LIG3: variants seen among roughly 807,000 people sequenced by gnomAD.
The protein encoded by LIG3 is ligase II, DNA, ATP-dependent.
A neutral mutation model predicts 110.9 loss-of-function variants in LIG3; 58 were observed. That is an observed-to-expected ratio of 0.52 (90% CI 0.42 to 0.65). The LOEUF (loss-of-function observed/expected upper bound fraction) is 0.65. Ranked by LOEUF, LIG3 falls within the 30% of genes least tolerant of loss-of-function variation. LIG3 has a pLI of 0.00. For missense variants in LIG3, 1,094 were observed against 1,273.8 expected (o/e 0.86, Z 2.15); for synonymous variants, 422 against 472.8 (o/e 0.89, Z 1.39).
At chr17:34,991,383 C>T (rs1331722304) in intron 5 of LIG3, 1 of 572,424 alleles carries the variant, frequency 1.7e-6, no homozygotes, top group African/African-American at 1.9e-5. Flanking sequence ...CCCTCTGTCT[C>T]TCCTGGGGCT....
chr17:34,995,557 C>G (rs981177921), intron 9 of LIG3, among the ~76,000 whole-genome samples: 1 of 152,142 alleles, frequency 6.6e-6, no homozygotes, highest in Admixed American at 6.5e-5. Context: ...TGTTCCTGCT[C>G]TAAGCATCCT....
In LIG3 at chr17:35,008,338, A is replaced by G. The variant is rs1051069187; in HGVS notation, c.*3832A>G. On this transcript the variant is annotated 3_prime_UTR_variant, in exon 20 of 20. Transcript: ENST00000378526. ...CTTGAGCAAGTTAGTTAGTTACAAC[A>G]ACACTGAGCATCTTGACCAAGGTCA... 1.3e-5 allele frequency: 2 copies of G among 152,248 alleles called. No homozygotes were observed. The highest frequency in any genetic ancestry group is 3.8e-4 in the East Asian group (2 of 5,196). The allele number at this position is 152,248 out of a possible 1,614,324, so 9.4% of individuals were successfully genotyped here. A position where few individuals can be genotyped will look rare whatever the true frequency, so the allele number is the denominator to read the frequency against.
intron 4 of LIG3, among the ~76,000 whole-genome samples, chr17:34,990,692 GAGCTA>G (rs1467259885): frequency 6.6e-6 from 1 of 152,172 alleles, no homozygotes; most frequent in Non-Finnish European, 1.5e-5. Context: ...TCGACCTCCT[GAGCTA>G]AAGCAACCCT....
intron 2 of LIG3, among the ~76,000 whole-genome samples, chr17:34,985,083 G>A (rs770855200): frequency 5.9e-5 from 9 of 152,128 alleles, no homozygotes; most frequent in Non-Finnish European, 8.8e-5. Flanking sequence ...TGGCATGTCT[G>A]TTTCTAAGCC....
intron 17 of LIG3, 29 bp from the exon 18 acceptor site, chr17:35,001,880 C>T: frequency 6.3e-7 from 1 of 1,592,218 alleles, no homozygotes; most frequent in African/African-American, 1.4e-5. Context: ...GGCAATGAAA[C>T]CCTCTGACAT....
rs1189954384 is a variant in LIG3 at position 35,002,735 on chromosome 17, A to G, written c.2742A>G (p.Pro914=). 3.1e-6 allele frequency: 5 copies of G among 1,612,728 alleles called. No individual in the cohort carries two copies. Among genetic ancestry groups the G allele is most frequent in the East Asian group, 2.2e-5 (1 of 44,882 alleles). ...VGEKLATKSS[P]VKVGEKRKAA... ...AGAAGCTGGCCACAAAGTCTTCTCCAGTGAAAGTAGGGGAGAAGCGGAAAG... is the reference window on the plus strand; with the variant it reads ...AGAAGCTGGCCACAAAGTCTTCTCCGGTGAAAGTAGGGGAGAAGCGGAAAG... Residue 914 remains proline (P), a synonymous_variant, in exon 19 of 20, where the codon CCA becomes CCG. Transcript: ENST00000378526.
In LIG3 at chr17:34,997,368, G is replaced by A. The variant is rs3136004; in HGVS notation, c.1824-370G>A. 3.1e-3 allele frequency: 602 copies of A among 194,520 alleles called. 2 individuals are homozygous for A. The highest frequency in any genetic ancestry group is 0.012 in the African/African-American group (546 of 43,918). 12.0% of individuals were successfully genotyped at this position (194,520 alleles called of 1,614,324 possible). A position where few individuals can be genotyped will look rare whatever the true frequency, so the allele number is the denominator to read the frequency against. ...GGCCTGTCTCAGCCTGCCTACCCCG[G>A]GGTTGGCCTTGGGATCGGGGCAAAG... On this transcript the variant is annotated intron_variant, in intron 11 of 19. Coordinates refer to ENST00000378526, the MANE Select transcript of LIG3 (RefSeq NM_013975.4).
chr17:34,998,633 G>A lies in LIG3; in HGVS notation c.2019G>A (p.Trp673Ter). 1 of 1,614,190 alleles carries A rather than the reference G, an allele frequency of 6.2e-7. No individual in the cohort carries two copies. The highest frequency in any genetic ancestry group is 8.5e-7 in the Non-Finnish European group (1 of 1,180,012). The part of the protein sequence containing the change: ...KGTYEPGKRH[W>*]LKVKKDYLNE... ...CATATGAGCCTGGGAAGCGGCACTG[G>A]CTGAAAGTGAAGAAAGACTATTTGA... is the stretch of plus-strand genomic sequence containing the variant. The change falls in exon 14 of 20, where the codon TGG becomes TGA. Residue 673 changes from tryptophan (W) to a stop codon, truncating the protein, a stop_gained. Transcript: ENST00000378526. LOFTEE classifies it high-confidence loss of function.
rs1462518424 is a variant in LIG3, at chr17:34,991,996, T to C, written c.1247T>C (p.Ile416Thr). Residue 416 changes from isoleucine (I) to threonine (T), a missense_variant, in exon 7 of 20, where the codon ATC becomes ACC. Physicochemically the swap from Ile to Thr is moderately conservative, Grantham distance 89. Transcript: ENST00000378526. Reference sequence around the variant, plus strand: ...GACCTTAAATGCATCATCAGGTTGATCAAACATGATCTGAAGATGAACTCA... The same window carrying C: ...GACCTTAAATGCATCATCAGGTTGACCAAACATGATCTGAAGATGAACTCA... Reference protein sequence around the residue: ...ANDLKCIIRLIKHDLKMNSGA... With the variant: ...ANDLKCIIRLTKHDLKMNSGA... 6.2e-6 allele frequency: 10 copies of C among 1,614,080 alleles called. No homozygotes were observed. Among genetic ancestry groups the C allele is most frequent in the Non-Finnish European group, 8.5e-6 (10 of 1,179,878 alleles).
chr17:34,981,550 C>T (rs908789196), intron 1 of LIG3: 1 of 152,182 alleles, frequency 6.6e-6, no homozygotes, highest in Admixed American at 6.5e-5. Context: ...TCCCAACTAC[C>T]CTGTGAGGTA....
chr17:34,981,908 G>A (rs2090598436), intron 1 of LIG3, among the ~76,000 whole-genome samples: 1 of 152,324 alleles, frequency 6.6e-6, no homozygotes, highest in Middle Eastern at 3.4e-3. Flanking sequence ...GCTGCCCAGT[G>A]ACTTCAGCAT....
rs547226352 is a variant in LIG3 at position 34,999,286 on chromosome 17, C to T, written c.2114-21C>T. The T allele has an allele frequency of 5.2e-5, 84 of 1,604,886 alleles. No individual in the cohort carries two copies. In the South Asian group the frequency reaches 7.3e-4, roughly 14 times the overall value. On this transcript the variant is annotated intron_variant, in intron 14 of 19. Transcript: ENST00000378526. The stretch of plus-strand genomic sequence containing the variant: ...AGAGATGGCTCCTCCAACCCACACT[C>T]ATCTCACACTCCCCTCCCAGGCGGC...
At chr17:34,990,206 T>C (rs2090703239) in intron 4 of LIG3, among the ~76,000 whole-genome samples, 1 of 152,242 alleles carries the variant, frequency 6.6e-6, no homozygotes, top group Non-Finnish European at 1.5e-5. Context: ...ACTATAGCGA[T>C]ATGCACAGGG....
At position 34,996,055 on chromosome 17, in the gene LIG3, T is replaced by G. The variant is rs767296790; in HGVS notation, c.1612-9T>G. 2 of 1,610,924 alleles carry G rather than the reference T, an allele frequency of 1.2e-6. No homozygotes were observed. Among genetic ancestry groups the G allele is most frequent in the East Asian group, 4.5e-5 (2 of 44,848 alleles). ...TCATCCCTCACCAAAGCTCCCCTTC[T>G]GCTTTCAGGTGGCCCACTTTAAGGA... On this transcript the variant is annotated splice_polypyrimidine_tract_variant and intron_variant, in intron 9 of 19. Coordinates refer to ENST00000378526, the MANE Select transcript of LIG3 (RefSeq NM_013975.4).
intron 19 of LIG3, 97 bp from the exon 20 acceptor site, chr17:35,004,176 C>T (rs765337676): frequency 7.1e-6 from 6 of 850,324 alleles, no homozygotes; most frequent in Non-Finnish European, 1.1e-5. Flanking sequence ...TGTGTCCTAA[C>T]TCTAGGCTCC....
chr17:35,002,060 C>T lies in LIG3; in HGVS notation c.2630C>T (p.Thr877Ile), dbSNP rs764126133. 6.3e-6 allele frequency: 10 copies of T among 1,596,928 alleles called. No individual in the cohort carries two copies. In the African/African-American group the frequency reaches 1.1e-4, roughly 17 times the overall value. ...RKAPSKPSAS[T>I]KKAEGKLSNS... ...GCCCCCAGCAAGCCCTCAGCCAGTA[C>T]CAAGAAAGCAGAAGGGAAGCTGAGT... The change falls in exon 18 of 20, where the codon ACC (threonine) becomes ATC (isoleucine). Residue 877 changes from threonine to isoleucine, a missense_variant. Thr to Ile is a moderately conservative substitution (Grantham distance 89, BLOSUM62 -1). Transcript: ENST00000378526.
At position 34,986,039 on chromosome 17, in the gene LIG3, C is replaced by A; in HGVS notation, c.599C>A (p.Ala200Asp). The A allele has an allele frequency of 6.2e-7, 1 of 1,614,060 alleles. No homozygotes were observed. The highest frequency in any genetic ancestry group is 8.5e-7 in the Non-Finnish European group (1 of 1,179,918). ...CCAAAGAAGAAAGCTGTTGTCCAGG[C>A]TAAGTTGACAACCACTGGCCAGGTG... Reference protein sequence around the residue: ...GTPKKKAVVQAKLTTTGQVTS... With the variant: ...GTPKKKAVVQDKLTTTGQVTS... Residue 200 changes from alanine to aspartate, a missense_variant, in exon 3 of 20, where the codon GCT (alanine) becomes GAT (aspartate). Coordinates refer to ENST00000378526, the MANE Select transcript of LIG3 (RefSeq NM_013975.4).
intron 17 of LIG3, among the ~76,000 whole-genome samples, 144 bp from the exon 18 acceptor site, chr17:35,001,756 GAATGGTGCC>G (rs1164921655): frequency 6.6e-6 from 1 of 152,202 alleles, no homozygotes; most frequent in East Asian, 1.9e-4. Context: ...CCATACTTTG[GAATGGTGCC>G]AAGGGAGCCA....
Position 34,991,365 on chromosome 17 carries a change from G to T in LIG3, c.1041+251G>T. ...CTGGTTCTCAAAAGGCAGAATTTGA[G>T]ACTTGCCCCCTCTGTCTCTCCTGGG... On this transcript the variant is annotated intron_variant, in intron 5 of 19. Coordinates refer to ENST00000378526, the MANE Select transcript of LIG3 (RefSeq NM_013975.4). The T allele has an allele frequency of 5.3e-6, 3 of 567,746 alleles. No individual in the cohort carries two copies. The Admixed American group carries it at 1.0e-4, about 20-fold the overall frequency. The allele number at this position is 567,746 out of a possible 1,614,324, so 35.2% of individuals were successfully genotyped here. A position where few individuals can be genotyped will look rare whatever the true frequency, so the allele number is the denominator to read the frequency against.
Sources: gnomAD v4.1 joint callset for allele counts (sites outside exome capture counted in the v4.1 genomes callset) on GRCh38, gnomAD v4.1.1 for gene constraint, MANE v1.5 for transcripts, NCBI Gene and HGNC (gene_info 2026-07-23, HGNC 2026-07-21) for gene names.